The following KIF5B variants were observed in gnomAD, a reference collection of about 807,000 sequenced individuals.
KIF5B encodes the protein kinesin family member 5B, also known as kinesin-1 heavy chain.
A neutral mutation model predicts 132.8 loss-of-function variants in KIF5B; 49 were observed. The observed-to-expected ratio is 0.37, with a 90% CI of 0.29 to 0.47. The LOEUF (loss-of-function observed/expected upper bound fraction) is 0.47. KIF5B is among the 20% of genes least tolerant of loss of function. KIF5B has a pLI of 1.00. For missense variants in KIF5B, 780 were observed against 1,144.0 expected (o/e 0.68, Z 4.59); for synonymous variants, 355 against 369.4 (o/e 0.96, Z 0.45).
intron 12 of KIF5B, 103 bp downstream of exon 12, chr10:32,033,742 A>G (rs1308598390): frequency 1.5e-6 from 1 of 670,214 alleles, no homozygotes; most frequent in Non-Finnish European, 2.5e-6. Context: ...ATGCATAAAG[A>G]TCCTAAGTGC....
At chr10:32,026,839 A>AT (rs1355585768) in intron 15 of KIF5B, among the ~76,000 whole-genome samples, 10 of 152,230 alleles carry the variant, frequency 6.6e-5, no homozygotes, top group African/African-American at 2.4e-4. Context: ...TACATCTCAC[A>AT]TTACTTCACC....
intron 24 of KIF5B, 139 bp from the exon 25 acceptor site, chr10:32,015,798 T>C: frequency 1.5e-6 from 1 of 666,696 alleles, no homozygotes; most frequent in South Asian, 2.0e-5. Flanking sequence ...CATCACTTTT[T>C]CTTTTCTGTA....
chr10:32,034,277 A>G (rs909846710), intron 11 of KIF5B, among the ~76,000 whole-genome samples: 2 of 151,894 alleles, frequency 1.3e-5, no homozygotes, highest in African/African-American at 4.8e-5. Flanking sequence ...ATGCCAGGCT[A>G]ATTTTGGTGT....
chr10:32,042,600 G>A (rs1841557515), intron 2 of KIF5B, among the ~76,000 whole-genome samples: 1 of 152,148 alleles, frequency 6.6e-6, no homozygotes, highest in South Asian at 2.1e-4. Context: ...GCACTCCAGA[G>A]GAACTCAAAT....
intron 15 of KIF5B, among the ~76,000 whole-genome samples, chr10:32,026,702 A>T (rs961466781): frequency 2.0e-5 from 3 of 152,184 alleles, no homozygotes; most frequent in Admixed American, 1.3e-4. Context: ...CTTAAATCAT[A>T]ATTATTTGAA....
Position 32,055,893 on chromosome 10 carries a change from G to T in KIF5B, c.81C>A (p.Asp27Glu). Residue 27 changes from aspartate to glutamate, a missense_variant, in exon 1 of 26, where the codon GAC (aspartate) becomes GAA (glutamate). This residue lies in a region of KIF5B where 66 missense variants were observed against 83.4 expected (regional missense o/e 0.79). Coordinates refer to ENST00000302418, the MANE Select transcript of KIF5B (RefSeq NM_004521.3). Reference protein sequence around the residue: ...PLNESEVNRGDKYIAKFQGED... With the variant: ...PLNESEVNRGEKYIAKFQGED... ...CTCCCTGAAACTTGGCGATGTACTT[G>T]TCGCCGCGGTTCACTTCAGACTCGT... 1 of 1,612,932 alleles carries T rather than the reference G, an allele frequency of 6.2e-7. No homozygotes were observed. Among genetic ancestry groups the T allele is most frequent in the Non-Finnish European group, 8.5e-7 (1 of 1,179,862 alleles).
rs554647711 is a variant in KIF5B at position 32,034,935 on chromosome 10, C to T, written c.963-97G>A. On this transcript the variant is annotated intron_variant, in intron 10 of 25. Transcript: ENST00000302418. ...TGTATATATGGCTAAGAAACTTATG[C>T]TTGTCCAGTAATCTCTTAGACTAAA... 1.0e-4 allele frequency: 90 copies of T among 882,872 alleles called. No individual in the cohort carries two copies. In the South Asian group the frequency reaches 2.5e-3, roughly 25 times the overall value. 54.7% of individuals were successfully genotyped at this position (882,872 alleles called of 1,614,324 possible).
chr10:32,014,346 AC>A (rs1181562422), intron 25 of KIF5B, among the ~76,000 whole-genome samples: 1 of 144,508 alleles, frequency 6.9e-6, no homozygotes, highest in Non-Finnish European at 1.5e-5. Context: ...AGCCAAGATC[AC>A]CCCACTGCAT....
At position 32,056,196 on chromosome 10, in the gene KIF5B, G is replaced by A; in HGVS notation, c.-223C>T. 1 of 525,104 alleles carries A rather than the reference G, an allele frequency of 1.9e-6. No homozygotes were observed. The highest frequency in any genetic ancestry group is 3.3e-6 in the Non-Finnish European group (1 of 305,688). 32.5% of individuals were successfully genotyped at this position (525,104 alleles called of 1,614,324 possible). On this transcript the variant is annotated 5_prime_UTR_variant, in exon 1 of 26. Transcript: ENST00000302418. ...TGCTCACTTCCGATCCATCATGGCA[G>A]CCATGGCGGCGGCAGCGGCGGCGGC... is the stretch of plus-strand genomic sequence containing the variant.
intron 15 of KIF5B, among the ~76,000 whole-genome samples, chr10:32,026,441 A>AAAG (rs1841334964): frequency 6.8e-6 from 1 of 147,712 alleles, no homozygotes; most frequent in Non-Finnish European, 1.5e-5. Flanking sequence ...CCGTCTCAAA[A>AAAG]AAAAAAAAAA....
intron 12 of KIF5B, among the ~76,000 whole-genome samples, chr10:32,033,417 G>C (rs1228400143): frequency 6.6e-6 from 1 of 152,164 alleles, no homozygotes; most frequent in African/African-American, 2.4e-5. Context: ...TTAAGAGCGC[G>C]AACTCTATTA....
chr10:32,048,533 C>T lies in KIF5B; in HGVS notation c.145G>A (p.Asp49Asn), dbSNP rs765887271. Residue 49 changes from aspartate to asparagine, a missense_variant, in exon 2 of 26, where the codon GAT becomes AAT. Asp to Asn is a conservative substitution (Grantham distance 23, BLOSUM62 1). This residue lies in a region of KIF5B where 66 missense variants were observed against 83.4 expected (regional missense o/e 0.79). Coordinates refer to ENST00000302418, the MANE Select transcript of KIF5B (RefSeq NM_004521.3). ...GATGTGCTTGACTGGAACACCCGAT[C>T]AAATGCATAAGGCTTGGACTGAAAA... The part of the protein sequence containing the change: ...VVIASKPYAF[D>N]RVFQSSTSQE... The T allele has an allele frequency of 6.2e-7, 1 of 1,613,540 alleles. No homozygotes were observed. The highest frequency in any genetic ancestry group is 1.1e-5 in the South Asian group (1 of 91,004).
rs1185899684 is a variant in KIF5B, at chr10:32,019,973, A to C, written c.2205-14T>G. On this transcript the variant is annotated splice_polypyrimidine_tract_variant and intron_variant, in intron 19 of 25. Coordinates refer to ENST00000302418, the MANE Select transcript of KIF5B (RefSeq NM_004521.3). ...TTCTGGTTTTGGCTGACGAAAGAAAAAAATAATTAACACAGTATCAATATC... is the reference window on the plus strand; with the variant it reads ...TTCTGGTTTTGGCTGACGAAAGAAACAAATAATTAACACAGTATCAATATC... The C allele has an allele frequency of 3.3e-6, 5 of 1,526,100 alleles. No homozygotes were observed. The highest frequency in any genetic ancestry group is 3.7e-5 in the Admixed American group (2 of 53,590). 94.5% of individuals were successfully genotyped at this position (1,526,100 alleles called of 1,614,324 possible).
chr10:32,054,168 A>T (rs1342207082), intron 1 of KIF5B, among the ~76,000 whole-genome samples: 1 of 152,268 alleles, frequency 6.6e-6, no homozygotes, highest in African/African-American at 2.4e-5. Flanking sequence ...TGTGCCAACC[A>T]CTGCAGAAGC....
chr10:32,021,288 CTGTT>C lies in KIF5B; in HGVS notation c.2033-5_2033-2del. ...TCCTTTTCCATTTCATGGACTTTCT[CTGTT>C]TGAATAGAGAGAAAATAGAAGAGTG... On this transcript the variant is annotated splice_acceptor_variant and splice_polypyrimidine_tract_variant and intron_variant, in intron 17 of 25. Transcript: ENST00000302418. LOFTEE classifies it high-confidence loss of function. The C allele has an allele frequency of 6.2e-7, 1 of 1,607,312 alleles. No homozygotes were observed. The highest frequency in any genetic ancestry group is 1.1e-5 in the South Asian group (1 of 90,852).
chr10:32,025,652 A>G (rs900830322), intron 15 of KIF5B, among the ~76,000 whole-genome samples: 3 of 152,256 alleles, frequency 2.0e-5, no homozygotes, highest in African/African-American at 7.2e-5. Context: ...CTGGGATTAC[A>G]GGCATGAGCC....
At chr10:32,016,452 A>G (rs939636312) in intron 24 of KIF5B, among the ~76,000 whole-genome samples, 2 of 152,134 alleles carry the variant, frequency 1.3e-5, no homozygotes, top group African/African-American at 4.8e-5. Context: ...GTGAAACTCC[A>G]TCTCAAAAAA....
chr10:32,028,355 C>A, intron 15 of KIF5B, 73 bp downstream of exon 15: 1 of 1,212,144 alleles, frequency 8.2e-7, no homozygotes, highest in Non-Finnish European at 1.2e-6. Flanking sequence ...AAGAACTTTA[C>A]AAACTATTAG....
chr10:32,043,410 A>T (rs1257319254), intron 2 of KIF5B, among the ~76,000 whole-genome samples: 1 of 152,214 alleles, frequency 6.6e-6, no homozygotes, highest in African/African-American at 2.4e-5. Context: ...GCTGAGACGC[A>T]AATGCAAATA....
Sources: allele counts gnomAD v4.1 joint callset (sites outside exome capture counted in the v4.1 genomes callset), GRCh38; gene constraint gnomAD v4.1.1; regional missense constraint gnomAD v4.1.1; transcripts MANE v1.5; gene names NCBI Gene and HGNC (gene_info 2026-07-23, HGNC 2026-07-21).